The following SPC25 variants were observed in gnomAD, a reference collection of about 807,000 sequenced individuals.
SPC25 encodes the protein kinetochore protein Spc25.
Under a neutral mutation model 29.6 loss-of-function variants are expected in SPC25, and 22 were observed. The ratio of observed to expected loss-of-function variants is 0.74; its 90% confidence interval spans 0.53 to 1.06. The LOEUF is 1.06. Ranked by LOEUF, SPC25 falls within the 50% of genes least tolerant of loss-of-function variation. The pLI, the probability that SPC25 is intolerant of heterozygous loss-of-function variation, is 0.00. For missense variants in SPC25, 230 were observed against 255.8 expected, an observed-to-expected ratio of 0.90 and a Z score of 0.69; for synonymous variants, 91 against 90.4, an observed-to-expected ratio of 1.01 and a Z score of -0.04.
At chr2:168,871,857 A>G (rs2105821814) in intron 6 of SPC25, among the ~76,000 whole-genome samples, 1 of 151,806 alleles carries the variant, frequency 6.6e-6, no homozygotes, top group African/African-American at 2.4e-5. Flanking sequence ...TCTTAAACTT[A>G]TATATTTTGT....
chr2:168,865,004 G>A (rs1364842460), intron 4 of SPC25: 1 of 1,609,444 alleles, frequency 6.2e-7, no homozygotes, highest in East Asian at 2.2e-5. Context: ...TTCACACTCG[G>A]TAATCAACAA....
intron 4 of SPC25, among the ~76,000 whole-genome samples, chr2:168,862,432 A>G (rs1689522204): frequency 6.6e-6 from 1 of 152,242 alleles, no homozygotes; most frequent in Non-Finnish European, 1.5e-5. Flanking sequence ...ATCACAGTGC[A>G]CACTAGGGTA....
intron 3 of SPC25, among the ~76,000 whole-genome samples, chr2:168,887,421 C>CAAAAAAAAAAAAAA (rs5836211): frequency 7.6e-6 from 1 of 131,386 alleles, no homozygotes; most frequent in East Asian, 2.1e-4. Flanking sequence ...GACTCCATCT[C>CAAAAAAAAAAAAAA]AAAAAAAAAA....
intron 4 of SPC25, 65 bp downstream of exon 4, chr2:168,877,173 C>CT: frequency 6.4e-7 from 1 of 1,560,188 alleles, no homozygotes. Flanking sequence ...GCAAGATGTA[C>CT]TTAATAAAGG....
intron 3 of SPC25, among the ~76,000 whole-genome samples, chr2:168,878,092 C>T (rs1322726873): frequency 6.6e-6 from 1 of 152,016 alleles, no homozygotes; most frequent in Admixed American, 6.6e-5. Context: ...TACCAAAAGA[C>T]AGAAATAAGT....
Position 168,874,503 on chromosome 2 carries a change from A to G in SPC25, c.452-820T>C, listed in dbSNP as rs1209106023. Among the ~76,000 whole-genome samples the G allele has an allele frequency of 4.6e-5, 7 of 152,190 alleles. No individual in the cohort carries two copies. The South Asian group carries it at 1.2e-3, about 27-fold the overall frequency. ...AGTGCCCACCAACAGATGAATGGATATAGTACACACATACAATGGAACATT... is the reference window on the plus strand; with the variant it reads ...AGTGCCCACCAACAGATGAATGGATGTAGTACACACATACAATGGAACATT... On this transcript the variant is annotated intron_variant, in intron 5 of 6. Coordinates refer to ENST00000282074, the MANE Select transcript of SPC25 (RefSeq NM_020675.4).
chr2:168,873,703 T>C lies in SPC25; in HGVS notation c.452-20A>G. 1 of 1,530,998 alleles carries C rather than the reference T, an allele frequency of 6.5e-7. No homozygotes were observed. The highest frequency in any genetic ancestry group is 9.0e-7 in the Non-Finnish European group (1 of 1,105,800). 94.8% of individuals were successfully genotyped at this position (1,530,998 alleles called of 1,614,324 possible). ...TCTCACCTGAAAAGAGATTAAACTA[T>C]TTAGTGTGTCAAAGCTTTCAATGGA... On this transcript the variant is annotated intron_variant, in intron 5 of 6. Transcript: ENST00000282074.
chr2:168,862,060 T>G, intron 4 of SPC25: 1 of 1,610,276 alleles, frequency 6.2e-7, no homozygotes, highest in Non-Finnish European at 8.5e-7. Context: ...GTAAGAATCA[T>G]TCTCAAATAT....
chr2:168,877,323 A>T lies in SPC25; in HGVS notation c.261T>A (p.Ala87=). The part of the protein sequence containing the change: ...EKKDNLLKLI[A]EVKGKKQELE... ...ATTCCTGCTTTTTGCCTTTTACTTC[A>T]GCAATCAATTTTAACAAGTTATCCT... The change falls in exon 4 of 7, where the codon GCT becomes GCA. Residue 87 remains alanine, a synonymous_variant. Transcript: ENST00000282074. 1 of 1,613,818 alleles carries T rather than the reference A, an allele frequency of 6.2e-7. No individual in the cohort carries two copies. The highest frequency in any genetic ancestry group is 8.5e-7 in the Non-Finnish European group (1 of 1,179,876).
chr2:168,870,511 G>GA (rs1340058961), downstream of SPC25, among the ~76,000 whole-genome samples: 1 of 151,630 alleles, frequency 6.6e-6, no homozygotes, highest in Non-Finnish European at 1.5e-5. Context: ...AAATTTACAA[G>GA]AAAAAAACAA....
At chr2:168,869,111 A>G (rs1204345725), downstream of SPC25, among the ~76,000 whole-genome samples, 6 of 152,242 alleles carry the variant, frequency 3.9e-5, no homozygotes, top group South Asian at 8.3e-4. Flanking sequence ...AAAACCACAT[A>G]ATTATCTCAA....
chr2:168,872,927 G>A (rs140557775), intron 6 of SPC25, among the ~76,000 whole-genome samples: 55 of 152,284 alleles, frequency 3.6e-4, no homozygotes, highest in African/African-American at 1.2e-3. Flanking sequence ...GATAGCATAG[G>A]TGTAATGAGC....
intron 4 of SPC25, among the ~76,000 whole-genome samples, chr2:168,861,652 T>C (rs762635208): frequency 3.9e-5 from 6 of 152,182 alleles, no homozygotes; most frequent in Non-Finnish European, 7.4e-5. Flanking sequence ...GCAAAACTGG[T>C]GAATGTTTTC....
downstream of SPC25, among the ~76,000 whole-genome samples, chr2:168,867,118 T>C (rs1244545228): frequency 6.6e-6 from 1 of 152,168 alleles, no homozygotes; most frequent in Admixed American, 6.5e-5. Context: ...AGCCATCCCA[T>C]TACTGAGTAT....
At chr2:168,876,256 A>G (rs1439516596) in intron 4 of SPC25, 80 bp from the exon 5 acceptor site, 1 of 978,118 alleles carries the variant, frequency 1.0e-6, no homozygotes. Context: ...TTTAAACTTA[A>G]AATCAACTAT....
downstream of SPC25, among the ~76,000 whole-genome samples, chr2:168,866,667 A>G (rs1559150331): frequency 2.0e-5 from 3 of 152,228 alleles, no homozygotes; most frequent in African/African-American, 7.2e-5. Flanking sequence ...CAGCAAAAGA[A>G]ACCACCATCA....
rs1689968672 is a variant in SPC25 at position 168,870,993 on chromosome 2, G to A, written c.*438C>T. 6.6e-6 allele frequency: 1 copy of A among 152,148 alleles called. No homozygotes were observed. Among genetic ancestry groups the A allele is most frequent in the Non-Finnish European group, 1.5e-5 (1 of 68,124 alleles). 9.4% of individuals were successfully genotyped at this position (152,148 alleles called of 1,614,324 possible). On this transcript the variant is annotated 3_prime_UTR_variant, in exon 7 of 7. Coordinates refer to ENST00000282074, the MANE Select transcript of SPC25 (RefSeq NM_020675.4). ...CAATGATAGACTGGATTAAGAAAAT[G>A]TGGCACATATACACCATGGAATACT... is the stretch of plus-strand genomic sequence containing the variant.
chr2:168,862,044 A>G (rs753271123), intron 4 of SPC25: 5 of 1,613,512 alleles, frequency 3.1e-6, no homozygotes, highest in Non-Finnish European at 4.2e-6. Flanking sequence ...TTGAATTTGG[A>G]AAAGGGTAAG....
intron 3 of SPC25, among the ~76,000 whole-genome samples, chr2:168,886,536 T>C (rs958516018): frequency 2.7e-4 from 41 of 152,020 alleles, no homozygotes; most frequent in Non-Finnish European, 4.6e-4. Flanking sequence ...TTTTTTTTTT[T>C]TGAGATGGAG....
Sources: gnomAD v4.1 joint callset for allele counts (sites outside exome capture counted in the v4.1 genomes callset) on GRCh38, gnomAD v4.1.1 for gene constraint, MANE v1.5 for transcripts, NCBI Gene and HGNC (gene_info 2026-07-23, HGNC 2026-07-21) for gene names.